Variants in FAT1 observed in about 807,000 individuals in gnomAD.
The protein encoded by FAT1 is FAT atypical cadherin 1.
A neutral mutation model predicts 329.8 loss-of-function variants in FAT1; 171 were observed. The ratio of observed to expected loss-of-function variants is 0.52; its 90% CI spans 0.46 to 0.59. The LOEUF is 0.59. Ranked by LOEUF, FAT1 falls within the 20% of genes least tolerant of loss-of-function variation. The pLI, the probability that FAT1 is intolerant of heterozygous loss-of-function variation, is 0.00. For synonymous variants in FAT1, 2,233 were observed against 2,228.6 expected, an observed-to-expected ratio of 1.00 and a Z score of -0.06; for missense variants, 5,672 against 5,774.4, an observed-to-expected ratio of 0.98 and a Z score of 0.57.
Position 186,617,860 on chromosome 4 carries a change from G to C in FAT1, c.8726C>G (p.Thr2909Ser), listed in dbSNP as rs1739790971. The change falls in exon 10 of 27, where the codon ACC (threonine) becomes AGC (serine). Residue 2909 changes from threonine (T) to serine (S), a missense_variant. Around this residue, in one of 2 missense-constraint regions of FAT1, gnomAD observed 3,966 missense variants for 3,915.2 expected, o/e 1.01. Transcript: ENST00000441802. ...SSTAIVDVTV[T>S]DVNDSPPRFT... ...TCGTGGTGGACTATCGTTGACATCGGTGACGGTAACATCCACAATGGCTGT... is the reference window on the plus strand; with the variant it reads ...TCGTGGTGGACTATCGTTGACATCGCTGACGGTAACATCCACAATGGCTGT... 6.2e-7 allele frequency: 1 copy of C among 1,613,984 alleles called. No individual in the cohort carries two copies. Among genetic ancestry groups the C allele is most frequent in the Non-Finnish European group, 8.5e-7 (1 of 1,179,890 alleles).
Position 186,594,275 on chromosome 4 carries a change from A to G in FAT1, c.13138+1414T>C, listed in dbSNP as rs150637671. 8.9e-3 allele frequency among the ~76,000 whole-genome samples: 1,347 copies of G among 151,228 alleles called. 28 individuals are homozygous for G. The highest frequency in any genetic ancestry group is 0.031 in the African/African-American group (1,274 of 40,830). ...GTAGAGACGGGGTTTCACTGCCAGG[A>G]CGGTCTCGATCTCCCAACCTTGTGA... is the stretch of plus-strand genomic sequence containing the variant. On this transcript the variant is annotated intron_variant, in intron 26 of 26. Coordinates refer to ENST00000441802, the MANE Select transcript of FAT1 (RefSeq NM_005245.4).
In FAT1 at chr4:186,680,988, A is replaced by G. The variant is rs190059387; in HGVS notation, c.3266-17375T>C. Among the ~76,000 whole-genome samples, 3 of 152,368 alleles carry G rather than the reference A, an allele frequency of 2.0e-5. No homozygotes were observed. The East Asian group carries it at 5.8e-4, about 29-fold the overall frequency. On this transcript the variant is annotated intron_variant, in intron 2 of 26. Transcript: ENST00000441802. Reference sequence around the variant, plus strand: ...ACCAAACCCTAAGAAAGCTTAAAAAATAATCGGCCTTACCTTAACATGGTA... The same window carrying G: ...ACCAAACCCTAAGAAAGCTTAAAAAGTAATCGGCCTTACCTTAACATGGTA...
At position 186,597,841 on chromosome 4, in the gene FAT1, T is replaced by C. The variant is rs372923940; in HGVS notation, c.12258-49A>G. 107 of 1,578,936 alleles carry C rather than the reference T, an allele frequency of 6.8e-5. 1 individual carries two copies. In the African/African-American group the frequency reaches 1.3e-3, roughly 19 times the overall value. On this transcript the variant is annotated intron_variant, in intron 23 of 26. Coordinates refer to ENST00000441802, the MANE Select transcript of FAT1 (RefSeq NM_005245.4). ...ATAAACCTCATGATCCTATTGCAAA[T>C]AAATACAGCAAAACAGAAAGCAAAA...
intron 2 of FAT1, among the ~76,000 whole-genome samples, chr4:186,668,201 A>G (rs144416697): frequency 5.9e-5 from 9 of 152,298 alleles, no homozygotes; most frequent in Non-Finnish European, 1.2e-4. Context: ...GCCCAGTTGC[A>G]TGATACACTC....
rs773126876 is a variant in FAT1 at position 186,628,313 on chromosome 4, T to C, written c.4651A>G (p.Asn1551Asp). ...GCGTGGTCATTCGTGTCGCTGACATTGACCACAATCCTTGCAAAGTTGCGT... is the reference window on the plus strand; with the variant it reads ...GCGTGGTCATTCGTGTCGCTGACATCGACCACAATCCTTGCAAAGTTGCGT... ...VKRNFARIVV[N>D]VSDTNDHAPW... Residue 1551 changes from asparagine to aspartate, a missense_variant, in exon 9 of 27, where the codon AAT becomes GAT. By Grantham distance (23) the Asn-to-Asp change is conservative. Transcript: ENST00000441802. 6 of 1,613,524 alleles carry C rather than the reference T, an allele frequency of 3.7e-6. No individual in the cohort carries two copies. Among genetic ancestry groups the C allele is most frequent in the Middle Eastern group, 1.6e-4 (1 of 6,084 alleles).
chr4:186,631,901 C>T (rs1395125651), intron 7 of FAT1, among the ~76,000 whole-genome samples: 1 of 151,494 alleles, frequency 6.6e-6, no homozygotes, highest in Non-Finnish European at 1.5e-5. Context: ...CGCCCCCACC[C>T]AAATTCATAT....
At chr4:186,705,127 G>A (rs1391593740) in intron 2 of FAT1, among the ~76,000 whole-genome samples, 2 of 138,508 alleles carry the variant, frequency 1.4e-5, no homozygotes, top group Non-Finnish European at 3.1e-5. Context: ...TTTTTTTTTG[G>A]TAGGAACGAG....
In FAT1 at chr4:186,588,485, T is replaced by A; in HGVS notation, c.*107A>T. ...GCAGGATCCAGCGCAGCCATGCCCA[T>A]TCGGCTCACCAAAAAAAGCTTGGAA... On this transcript the variant is annotated 3_prime_UTR_variant, in exon 27 of 27. Coordinates refer to ENST00000441802, the MANE Select transcript of FAT1 (RefSeq NM_005245.4). The A allele has an allele frequency of 7.3e-7, 1 of 1,370,352 alleles. No individual in the cohort carries two copies. Among genetic ancestry groups the A allele is most frequent in the Non-Finnish European group, 9.7e-7 (1 of 1,025,764 alleles). 84.9% of individuals were successfully genotyped at this position (1,370,352 alleles called of 1,614,324 possible).
At chr4:186,658,858 C>T (rs1391216370) in intron 3 of FAT1, among the ~76,000 whole-genome samples, 6 of 152,106 alleles carry the variant, frequency 3.9e-5, no homozygotes, top group Non-Finnish European at 7.4e-5. Flanking sequence ...TCCACCGGAC[C>T]CGTGAGAGCC....
At position 186,709,434 on chromosome 4, in the gene FAT1, G is replaced by A. The variant is rs1744837099; in HGVS notation, c.394C>T (p.Arg132Ter). 1.9e-6 allele frequency: 3 copies of A among 1,613,812 alleles called. No homozygotes were observed. Among genetic ancestry groups the A allele is most frequent in the Non-Finnish European group, 2.5e-6 (3 of 1,179,880 alleles). The change falls in exon 2 of 27, where the codon CGA (arginine) becomes TGA (stop). Residue 132 changes from arginine to a stop codon, truncating the protein, a stop_gained. Coordinates refer to ENST00000441802, the MANE Select transcript of FAT1 (RefSeq NM_005245.4). LOFTEE classifies it high-confidence loss of function. ...AGCACCTGCACCCTGACCTTTGTTC[G>A]CGCCTCCACATTAGTATTTTTTTCA... ...ALEKNTNVEA[R>*]TKVRVQVLDT...
At chr4:186,713,940 G>A (rs538151498) in intron 1 of FAT1, among the ~76,000 whole-genome samples, 1 of 152,280 alleles carries the variant, frequency 6.6e-6, no homozygotes, top group South Asian at 2.1e-4. Flanking sequence ...GCCCAACTCG[G>A]CCTCCCGAAC....
chr4:186,628,285 G>T lies in FAT1; in HGVS notation c.4679C>A (p.Pro1560Gln), dbSNP rs374571513. The T allele has an allele frequency of 1.2e-6, 2 of 1,613,724 alleles. No homozygotes were observed. Among genetic ancestry groups the T allele is most frequent in the African/African-American group, 2.7e-5 (2 of 75,028 alleles). Residue 1560 changes from proline to glutamine, a missense_variant, in exon 9 of 27, where the codon CCG (proline) becomes CAG (glutamine). Pro to Gln is a moderately conservative substitution (Grantham distance 76). This residue lies in a region of FAT1 where 3,966 missense variants were observed against 3,915.2 expected (regional missense o/e 1.01). Transcript: ENST00000441802. Reference sequence around the variant, plus strand: ...TTTGTAGGAGGAAGCGGTGAACCACGGGGCGTGGTCATTCGTGTCGCTGAC... The same window carrying T: ...TTTGTAGGAGGAAGCGGTGAACCACTGGGCGTGGTCATTCGTGTCGCTGAC... Reference protein sequence around the residue: ...VNVSDTNDHAPWFTASSYKGR... With the variant: ...VNVSDTNDHAQWFTASSYKGR...
chr4:186,596,433 G>T lies in FAT1; in HGVS notation c.13000+107C>A. The T allele has an allele frequency of 8.0e-7, 1 of 1,250,222 alleles. No homozygotes were observed. Among genetic ancestry groups the T allele is most frequent in the Non-Finnish European group, 1.1e-6 (1 of 901,112 alleles). 77.4% of individuals were successfully genotyped at this position (1,250,222 alleles called of 1,614,324 possible). ...AATCATCATACGGATTTCAGTCTGAGCATACTTGTCTCTAATGAAGAGTAC... is the reference window on the plus strand; with the variant it reads ...AATCATCATACGGATTTCAGTCTGATCATACTTGTCTCTAATGAAGAGTAC... On this transcript the variant is annotated intron_variant, in intron 25 of 26. Transcript: ENST00000441802. This position sits in a 1 kb window ranked among gnomAD's most constrained non-coding sequence, Gnocchi z 4.7.
Position 186,621,537 on chromosome 4 carries a change from C to A in FAT1, c.5049G>T (p.Gly1683=), listed in dbSNP as rs1303072890. 6.2e-7 allele frequency: 1 copy of A among 1,613,992 alleles called. No individual in the cohort carries two copies. Among genetic ancestry groups the A allele is most frequent in the Admixed American group, 1.7e-5 (1 of 60,020 alleles). The change falls in exon 10 of 27, where the codon GGG becomes GGT. Residue 1683 remains glycine, a synonymous_variant. Transcript: ENST00000441802. ...GGGCTGTAACCATCCCAACGAAACTCCCAATGCTGACAGTTTCACTAAGTT... is the reference window on the plus strand; with the variant it reads ...GGGCTGTAACCATCCCAACGAAACTACCAATGCTGACAGTTTCACTAAGTT... ...SVELSETVSI[G]SFVGMVTAHS...
Position 186,663,553 on chromosome 4 carries a change from A to G in FAT1, c.3326T>C (p.Val1109Ala), listed in dbSNP as rs377347450. The change falls in exon 3 of 27, where the codon GTC (valine) becomes GCC (alanine). Residue 1109 changes from valine (V) to alanine (A), a missense_variant. Coordinates refer to ENST00000441802, the MANE Select transcript of FAT1 (RefSeq NM_005245.4). The stretch of plus-strand genomic sequence containing the variant: ...CACGACACCCTGATCGGTTGCAAAG[A>G]CTGTTAGCCAATAATGGGAGGTCGA... ...RESTSHYWLT[V>A]FATDQGVVPL... 5.6e-6 allele frequency: 9 copies of G among 1,613,320 alleles called. No homozygotes were observed. In the African/African-American group the frequency reaches 1.1e-4, roughly 19 times the overall value.
At chr4:186,646,039 G>A (rs183747897) in intron 3 of FAT1, among the ~76,000 whole-genome samples, 1 of 142,238 alleles carries the variant, frequency 7.0e-6, no homozygotes, top group Non-Finnish European at 1.5e-5. Context: ...AAAAAAATAG[G>A]ATTTCTGAAT....
At chr4:186,712,681 G>A (rs1253474353) in intron 1 of FAT1, among the ~76,000 whole-genome samples, 1 of 152,184 alleles carries the variant, frequency 6.6e-6, no homozygotes, top group Non-Finnish European at 1.5e-5. Flanking sequence ...AAAGGGTCAG[G>A]GCTTACACTA....
At chr4:186,647,398 TAAA>T (rs1741431396) in intron 3 of FAT1, among the ~76,000 whole-genome samples, 1 of 152,218 alleles carries the variant, frequency 6.6e-6, no homozygotes, top group Non-Finnish European at 1.5e-5. Context: ...CATTGCCAGC[TAAA>T]TGCAAAGCTG....
At position 186,628,659 on chromosome 4, in the gene FAT1, C is replaced by A; in HGVS notation, c.4428G>T (p.Leu1476Phe). ...CATCCTGATCCACAGCACTGATTTG[C>A]AAAATTTCTGTTTCTGGCGCTGTAT... ...PEDTAPETEI[L>F]QISAVDQDEK... Residue 1476 changes from leucine to phenylalanine, a missense_variant, in exon 8 of 27, where the codon TTG becomes TTT. This residue lies in a region of FAT1 where 3,966 missense variants were observed against 3,915.2 expected (regional missense o/e 1.01). Transcript: ENST00000441802. 6.2e-7 allele frequency: 1 copy of A among 1,613,938 alleles called. No homozygotes were observed. The highest frequency in any genetic ancestry group is 8.5e-7 in the Non-Finnish European group (1 of 1,179,884).
Sources: allele counts gnomAD v4.1 joint callset (sites outside exome capture counted in the v4.1 genomes callset), GRCh38; gene constraint gnomAD v4.1.1; regional missense constraint gnomAD v4.1.1; non-coding constraint Gnocchi (gnomAD v3.1); transcripts MANE v1.5; gene names NCBI Gene and HGNC (gene_info 2026-07-23, HGNC 2026-07-21).